The following DPP6 variants were observed in gnomAD, a reference collection of about 807,000 sequenced individuals.
DPP6 encodes dipeptidyl peptidase like 6, also known as A-type potassium channel modulatory protein DPP6.
In DPP6, 69 loss-of-function variants were observed where a neutral mutation model predicts 122.6. That is an observed-to-expected ratio of 0.56 (90% CI 0.46 to 0.69). DPP6 has a LOEUF of 0.69. DPP6 is among the 30% of genes least tolerant of loss of function. The probability of loss-of-function intolerance (pLI) is 0.00; values close to 1 mark genes in which losing one functional copy is unlikely to be tolerated. For synonymous variants in DPP6, 418 were observed against 433.1 expected (o/e 0.97, Z 0.43); for missense variants, 928 against 1,116.9 (o/e 0.83, Z 2.41).
intron 3 of DPP6, among the ~76,000 whole-genome samples, chr7:154,523,890 G>A (rs1215197760): frequency 6.6e-6 from 1 of 152,148 alleles, no homozygotes; most frequent in East Asian, 1.9e-4. Flanking sequence ...ATTGAGAATG[G>A]CGTATTTTCT....
chr7:154,384,859 C>T (rs1478684129), intron 1 of DPP6, among the ~76,000 whole-genome samples: 1 of 151,588 alleles, frequency 6.6e-6, no homozygotes, highest in Non-Finnish European at 1.5e-5. Context: ...TACATATAGA[C>T]AGTGGGATAC....
At chr7:154,061,878 G>T (rs1402824854) in intron 1 of DPP6, among the ~76,000 whole-genome samples, 1 of 128,796 alleles carries the variant, frequency 7.8e-6, no homozygotes, top group African/African-American at 2.9e-5. Flanking sequence ...CCCCCCGCGA[G>T]GCAGGGACTG....
chr7:154,250,227 C>T (rs1802265458), intron 1 of DPP6, among the ~76,000 whole-genome samples: 1 of 152,158 alleles, frequency 6.6e-6, no homozygotes, highest in African/African-American at 2.4e-5. Flanking sequence ...CTTGCTGATG[C>T]TCCCAGCCGA....
chr7:153,991,809 C>T (rs1266855096), intron 1 of DPP6, among the ~76,000 whole-genome samples: 1 of 152,086 alleles, frequency 6.6e-6, no homozygotes, highest in Non-Finnish European at 1.5e-5. Context: ...GCACCTTACT[C>T]TCAGTCCTTC....
At chr7:154,517,559 T>C (rs908465221) in intron 3 of DPP6, among the ~76,000 whole-genome samples, 12 of 152,166 alleles carry the variant, frequency 7.9e-5, no homozygotes, top group Non-Finnish European at 1.5e-4. Context: ...CGCAGTTGTT[T>C]CTGTACTTGT....
intron 1 of DPP6, among the ~76,000 whole-genome samples, chr7:154,078,522 C>T (rs541041788): frequency 1.3e-5 from 2 of 152,078 alleles, no homozygotes; most frequent in African/African-American, 4.8e-5. Flanking sequence ...TGAGTTATTC[C>T]CAAGCTCATT....
intron 7 of DPP6, among the ~76,000 whole-genome samples, chr7:154,696,661 A>G (rs1840236130): frequency 6.6e-6 from 1 of 152,152 alleles, no homozygotes; most frequent in Admixed American, 6.5e-5. Context: ...TGGGCAAATC[A>G]CCTAGGCTGT....
chr7:153,928,329 A>T (rs1209884755), intron 1 of DPP6, among the ~76,000 whole-genome samples: 1 of 148,066 alleles, frequency 6.8e-6, no homozygotes, highest in Non-Finnish European at 1.5e-5. Flanking sequence ...CTCCTGCCTT[A>T]GCCTCCCAAG....
At chr7:154,520,925 C>A (rs1195864194) in intron 3 of DPP6, among the ~76,000 whole-genome samples, 1 of 152,196 alleles carries the variant, frequency 6.6e-6, no homozygotes, top group Non-Finnish European at 1.5e-5. Context: ...ATGTACCGGA[C>A]AATGCCTCGT....
intron 1 of DPP6, among the ~76,000 whole-genome samples, chr7:154,412,083 A>G (rs1816652732): frequency 6.6e-6 from 1 of 152,096 alleles, no homozygotes; most frequent in Non-Finnish European, 1.5e-5. Flanking sequence ...CAAGTCCTCG[A>G]ATAGTGGAAG....
chr7:154,772,753 C>A, intron 9 of DPP6, 92 bp from the exon 10 acceptor site: 1 of 1,533,276 alleles, frequency 6.5e-7, no homozygotes, highest in Admixed American at 2.0e-5. Context: ...TGGAGTCCCA[C>A]CTCGGAATCT....
intron 1 of DPP6, among the ~76,000 whole-genome samples, chr7:154,299,256 C>T (rs1805745096): frequency 6.6e-6 from 1 of 152,224 alleles, no homozygotes; most frequent in Non-Finnish European, 1.5e-5. Flanking sequence ...CCTGACCACG[C>T]AGACCCAGCA....
intron 20 of DPP6, among the ~76,000 whole-genome samples, chr7:154,879,897 C>A (rs1401265586): frequency 6.6e-6 from 1 of 152,200 alleles, no homozygotes; most frequent in Non-Finnish European, 1.5e-5. Context: ...CTGAGGCCTC[C>A]GCCACGTGGA....
intron 1 of DPP6, among the ~76,000 whole-genome samples, chr7:153,994,321 A>G (rs1272980416): frequency 3.3e-5 from 5 of 151,864 alleles, no homozygotes; most frequent in African/African-American, 1.2e-4. Context: ...AACCCCATCA[A>G]TTTTCAATAA....
the DPP6 span, among the ~76,000 whole-genome samples, chr7:153,803,889 C>T: frequency 6.7e-6 from 1 of 148,624 alleles, no homozygotes; most frequent in African/African-American, 2.4e-5. Context: ...ATGTACCTCT[C>T]CTATTGGTTT....
chr7:153,905,652 GA>G (rs1263282268), intron 1 of DPP6, among the ~76,000 whole-genome samples: 1 of 151,850 alleles, frequency 6.6e-6, no homozygotes, highest in Admixed American at 6.6e-5. Flanking sequence ...TTTAAAAAGA[GA>G]AAAAAAATTA....
chr7:154,591,533 C>T (rs574744963), intron 5 of DPP6, among the ~76,000 whole-genome samples: 1 of 152,216 alleles, frequency 6.6e-6, no homozygotes, highest in South Asian at 2.1e-4. Context: ...TTCTCAGTGG[C>T]TTTTCTTTGG....
At chr7:154,637,928 G>A (rs1835832299) in intron 6 of DPP6, 55 bp downstream of exon 6, 2 of 1,533,666 alleles carry the variant, frequency 1.3e-6, no homozygotes, top group Admixed American at 2.0e-5. Context: ...AAAGTGAAGG[G>A]TAGAACATGG....
At chr7:154,437,141 G>A (rs966119776) in intron 1 of DPP6, among the ~76,000 whole-genome samples, 2 of 152,160 alleles carry the variant, frequency 1.3e-5, no homozygotes, top group African/African-American at 4.8e-5. Context: ...AAGGTTACAG[G>A]TGAATAAAGA....
Sources: gnomAD v4.1 joint callset for allele counts (sites outside exome capture counted in the v4.1 genomes callset) on GRCh38, gnomAD v4.1.1 for gene constraint, MANE v1.5 for transcripts, NCBI Gene and HGNC (gene_info 2026-07-23, HGNC 2026-07-21) for gene names.